Variants in CYP4F3 observed in about 807,000 individuals in gnomAD.
CYP4F3 encodes the protein cytochrome P450 family 4 subfamily F member 3, also known as cytochrome P450 4F3.
CYP4F3 carries 50 observed loss-of-function variants against 54.8 expected under a neutral mutation model. That is an observed-to-expected ratio of 0.91 (90% CI 0.73 to 1.16). The LOEUF (loss-of-function observed/expected upper bound fraction) is 1.16, where lower values mean the gene tolerates loss of function less well. Ranked by LOEUF, CYP4F3 falls within the 50% of genes most tolerant of loss-of-function variation. The pLI, the probability that CYP4F3 is intolerant of heterozygous loss-of-function variation, is 0.00. For synonymous variants in CYP4F3, 244 were observed against 262.6 expected (o/e 0.93, Z 0.69); for missense variants, 715 against 676.2 (o/e 1.06, Z -0.64).
At chr19:15,648,927 C>A (rs975215280) in intron 5 of CYP4F3, among the ~76,000 whole-genome samples, 2 of 152,172 alleles carry the variant, frequency 1.3e-5, no homozygotes, top group African/African-American at 4.8e-5. Flanking sequence ...GCACACAGAG[C>A]ACAGAGGACA....
At chr19:15,645,110 CT>C (rs1404045568) in intron 2 of CYP4F3, among the ~76,000 whole-genome samples, 1 of 152,222 alleles carries the variant, frequency 6.6e-6, no homozygotes, top group African/African-American at 2.4e-5. Context: ...TTCCACGCCA[CT>C]TTTGCTTTCA....
chr19:15,641,881 A>C (rs552892339), intron 2 of CYP4F3, among the ~76,000 whole-genome samples: 1 of 152,086 alleles, frequency 6.6e-6, no homozygotes, highest in African/African-American at 2.4e-5. Context: ...GCTCTTGGGC[A>C]GGGGGTTGGG....
At chr19:15,642,460 T>C (rs567927084) in intron 2 of CYP4F3, among the ~76,000 whole-genome samples, 2 of 152,292 alleles carry the variant, frequency 1.3e-5, no homozygotes, top group East Asian at 1.9e-4. Context: ...GGAACCTGTG[T>C]GGCTGGTGGA....
intron 9 of CYP4F3, among the ~76,000 whole-genome samples, chr19:15,656,554 GATCT>G (rs565565846): frequency 2.0e-4 from 24 of 122,228 alleles, no homozygotes; most frequent in South Asian, 1.6e-3. Context: ...ATCTATCATT[GATCT>G]ATCTATCATC....
Position 15,652,871 on chromosome 19 carries a change from C to T in CYP4F3, c.1034C>T (p.Ala345Val). The change falls in exon 9 of 13, where the codon GCA (alanine) becomes GTA (valine). Residue 345 changes from alanine to valine, a missense_variant. Coordinates refer to ENST00000221307, the MANE Select transcript of CYP4F3 (RefSeq NM_000896.3). ...CTCTCCTGGGTCCTGTACCACCTTGCAAAGCACCCGGAATACCAGGAGCGC... is the reference window on the plus strand; with the variant it reads ...CTCTCCTGGGTCCTGTACCACCTTGTAAAGCACCCGGAATACCAGGAGCGC... The part of the protein sequence containing the change: ...SGLSWVLYHL[A>V]KHPEYQERCR... 6.2e-7 allele frequency: 1 copy of T among 1,613,878 alleles called. No homozygotes were observed. Among genetic ancestry groups the T allele is most frequent in the Non-Finnish European group, 8.5e-7 (1 of 1,179,856 alleles).
chr19:15,641,667 G>A, intron 2 of CYP4F3, 54 bp downstream of exon 2: 1 of 1,586,862 alleles, frequency 6.3e-7, no homozygotes, highest in Non-Finnish European at 8.7e-7. Context: ...GACTTCCTGA[G>A]GGGTAAGAAT....
At chr19:15,653,349 C>G (rs1035688347) in intron 9 of CYP4F3, among the ~76,000 whole-genome samples, 1 of 152,136 alleles carries the variant, frequency 6.6e-6, no homozygotes, top group African/African-American at 2.4e-5. Flanking sequence ...TAAGGGAGAC[C>G]TGGGGGTAAA....
chr19:15,652,484 C>T (rs1972884685), intron 7 of CYP4F3, 85 bp from the exon 8 acceptor site: 2 of 1,554,332 alleles, frequency 1.3e-6, no homozygotes, highest in South Asian at 1.1e-5. Flanking sequence ...TCTTCAGAGA[C>T]TGTCTCAGAT....
intron 3 of CYP4F3, among the ~76,000 whole-genome samples, chr19:15,646,721 C>T (rs1303495701): frequency 6.6e-6 from 1 of 152,046 alleles, no homozygotes; most frequent in Non-Finnish European, 1.5e-5. Context: ...TGTCCTAAGT[C>T]CTTGTGAAGG....
chr19:15,649,352 A>G (rs1192591388), intron 6 of CYP4F3, 71 bp downstream of exon 6: 2 of 1,606,882 alleles, frequency 1.2e-6, no homozygotes, highest in Admixed American at 3.4e-5. Context: ...GCTGGGGAGG[A>G]CTGAGCAGGG....
In CYP4F3 at chr19:15,644,010, T is replaced by G. The variant is rs1326119850; in HGVS notation, c.199-1709T>G. The G allele has an allele frequency of 1.2e-6, 2 of 1,603,900 alleles. No individual in the cohort carries two copies. The highest frequency in any genetic ancestry group is 1.7e-6 in the Non-Finnish European group (2 of 1,175,970). On this transcript the variant is annotated intron_variant, in intron 2 of 12. Transcript: ENST00000221307. ...GGCCCCATCTTCCCCGTCATCCGTT[T>G]TTGCCACCCCAACATCATCCGGTCT...
chr19:15,645,778 T>C lies in CYP4F3; in HGVS notation c.258T>C (p.Asp86=). The C allele has an allele frequency of 6.2e-7, 1 of 1,614,196 alleles. No individual in the cohort carries two copies. Among genetic ancestry groups the C allele is most frequent in the Non-Finnish European group, 8.5e-7 (1 of 1,180,000 alleles). ...YTQSLACTFG[D]MCCWWVGPWH... is the part of the protein sequence containing the mutation. ...AAAGCCTGGCATGCACCTTCGGTGA[T>C]ATGTGCTGCTGGTGGGTGGGGCCCT... The change falls in exon 3 of 13, where the codon GAT becomes GAC. Residue 86 remains aspartate, a synonymous_variant. Coordinates refer to ENST00000221307, the MANE Select transcript of CYP4F3 (RefSeq NM_000896.3).
rs116811963 is a variant in CYP4F3, at chr19:15,656,205, T to G, written c.1116-2059T>G. On this transcript the variant is annotated intron_variant, in intron 9 of 12. Transcript: ENST00000221307. ...TGCACCTGGCTTACTTCACTTAGCA[T>G]GAGTTCCTCCAGGTTCTTCCATGTT... Among the ~76,000 whole-genome samples the G allele has an allele frequency of 5.1e-3, 780 of 152,240 alleles. 5 individuals are homozygous for G. The highest frequency in any genetic ancestry group is 0.018 in the African/African-American group (750 of 41,526).
chr19:15,646,111 T>A (rs986047669), intron 3 of CYP4F3, among the ~76,000 whole-genome samples: 3 of 152,214 alleles, frequency 2.0e-5, no homozygotes, highest in Non-Finnish European at 4.4e-5. Flanking sequence ...GGCTACGTCT[T>A]GTCACCTGTA....
chr19:15,650,681 T>C (rs1303980448), intron 7 of CYP4F3, among the ~76,000 whole-genome samples: 1 of 59,414 alleles, frequency 1.7e-5, no homozygotes, highest in East Asian at 8.9e-4. Flanking sequence ...TCTTTCTTTC[T>C]TTCTTTCTTT....
intron 2 of CYP4F3, among the ~76,000 whole-genome samples, chr19:15,643,405 AATAGATAG>A (rs57178444): frequency 0.066 from 6,559 of 99,246 alleles, 160 homozygotes; most frequent in Non-Finnish European, 0.079. Flanking sequence ...TATATAGGTA[AATAGATAG>A]ATAGATAGAT....
chr19:15,646,569 T>C (rs929077156), intron 3 of CYP4F3, among the ~76,000 whole-genome samples: 3 of 152,318 alleles, frequency 2.0e-5, no homozygotes, highest in South Asian at 2.1e-4. Context: ...TGTTAGAGCA[T>C]ACCATCTCAT....
chr19:15,642,884 AGATGGATG>A (rs29001545), intron 2 of CYP4F3, among the ~76,000 whole-genome samples: 96,443 of 150,774 alleles, frequency 0.64, 31,359 homozygotes, highest in East Asian at 0.84. Flanking sequence ...TGCATGGATA[AGATGGATG>A]GATGGATGGA....
rs547400687 is a variant in CYP4F3 at position 15,660,420 on chromosome 19, A to G, written c.*1035A>G. ...GGCATGCCCTGCAAACTCCACAGAC[A>G]CTGACTGTTTTTGTCCTATTAAGAA... On this transcript the variant is annotated 3_prime_UTR_variant, in exon 13 of 13. Coordinates refer to ENST00000221307, the MANE Select transcript of CYP4F3 (RefSeq NM_000896.3). 1 of 152,210 alleles carries G rather than the reference A, an allele frequency of 6.6e-6. No individual in the cohort carries two copies. Among genetic ancestry groups the G allele is most frequent in the Admixed American group, 6.5e-5 (1 of 15,286 alleles). 9.4% of individuals were successfully genotyped at this position (152,210 alleles called of 1,614,324 possible). A position where few individuals can be genotyped will look rare whatever the true frequency, so the allele number is the denominator to read the frequency against.
Sources: allele counts gnomAD v4.1 joint callset (sites outside exome capture counted in the v4.1 genomes callset), GRCh38; gene constraint gnomAD v4.1.1; transcripts MANE v1.5; gene names NCBI Gene and HGNC (gene_info 2026-07-23, HGNC 2026-07-21).